Variants in CA10 observed in about 807,000 individuals in gnomAD.
CA10 encodes carbonic anhydrase 10 (inactive).
CA10 carries 14 observed loss-of-function variants against 44.2 expected under a neutral mutation model. That is an observed-to-expected ratio of 0.32 (90% CI 0.21 to 0.50). The LOEUF (loss-of-function observed/expected upper bound fraction) is 0.50, where lower values mean the gene tolerates loss of function less well. Among genes scored for constraint, CA10 ranks in the 20% least tolerant of loss-of-function variants. The pLI, the probability that CA10 is intolerant of heterozygous loss-of-function variation, is 0.99. For synonymous variants in CA10, 159 were observed against 141.6 expected (o/e 1.12, Z -0.87); for missense variants, 350 against 409.7 (o/e 0.85, Z 1.26).
intron 2 of CA10, among the ~76,000 whole-genome samples, chr17:51,941,714 G>T (rs893951019): frequency 1.3e-5 from 2 of 152,036 alleles, no homozygotes; most frequent in Admixed American, 1.3e-4. Context: ...AGAATTAAAT[G>T]CCAGAAAAAA....
Position 52,158,369 on chromosome 17 carries a change from C to T in CA10, c.-583G>A, listed in dbSNP as rs557641447. 1 of 176,772 alleles carries T rather than the reference C, an allele frequency of 5.7e-6. No homozygotes were observed. The highest frequency in any genetic ancestry group is 2.4e-5 in the African/African-American group (1 of 41,748). 11.0% of individuals were successfully genotyped at this position (176,772 alleles called of 1,614,324 possible). On this transcript the variant is annotated 5_prime_UTR_variant, in exon 1 of 9. Transcript: ENST00000451037. Reference sequence around the variant, plus strand: ...TGCTGCGCTCCGGGGCAGTTCTTCTCCTGCTTCCGGGGGGCGGGGAAGGAG... The same window carrying T: ...TGCTGCGCTCCGGGGCAGTTCTTCTTCTGCTTCCGGGGGGCGGGGAAGGAG...
chr17:51,834,503 C>T (rs957791021), intron 3 of CA10, among the ~76,000 whole-genome samples: 2 of 152,240 alleles, frequency 1.3e-5, no homozygotes, highest in African/African-American at 2.4e-5. Context: ...ATAATAAAAT[C>T]GAGCCACTAA....
intron 3 of CA10, among the ~76,000 whole-genome samples, chr17:51,780,001 C>G (rs1407925060): frequency 6.6e-6 from 1 of 152,140 alleles, no homozygotes; most frequent in African/African-American, 2.4e-5. Flanking sequence ...GAGTAGTGTT[C>G]TGATCTAACA....
intron 1 of CA10, among the ~76,000 whole-genome samples, chr17:52,097,578 G>A (rs190327688): frequency 1.3e-5 from 2 of 152,180 alleles, no homozygotes; most frequent in South Asian, 2.1e-4. Flanking sequence ...GGGTTGACAC[G>A]GAATAAGTCT....
chr17:51,893,100 T>A (rs953067738), intron 3 of CA10, among the ~76,000 whole-genome samples: 1 of 152,148 alleles, frequency 6.6e-6, no homozygotes, highest in African/African-American at 2.4e-5. Flanking sequence ...TTTTTATAAG[T>A]TGCATAATAT....
chr17:51,668,233 G>T (rs1394002822), intron 4 of CA10, among the ~76,000 whole-genome samples: 1 of 152,198 alleles, frequency 6.6e-6, no homozygotes, highest in Non-Finnish European at 1.5e-5. Flanking sequence ...CAGAGTGGTG[G>T]CATGCATGCC....
Position 51,964,188 on chromosome 17 carries a change from A to C in CA10, c.137-33056T>G, listed in dbSNP as rs865957525. 2.6e-5 allele frequency among the ~76,000 whole-genome samples: 4 copies of C among 152,118 alleles called. No homozygotes were observed. In the South Asian group the frequency reaches 6.2e-4, roughly 24 times the overall value. On this transcript the variant is annotated intron_variant, in intron 2 of 8. Transcript: ENST00000451037. ...AAAAGAGGGGCATCAAATAATGAAA[A>C]AAGGTTCAATTCAACAAGAAGCCTT...
chr17:51,875,354 C>A (rs1178480839), intron 3 of CA10, among the ~76,000 whole-genome samples: 1 of 152,160 alleles, frequency 6.6e-6, no homozygotes, highest in East Asian at 1.9e-4. Context: ...TGTTCCTAGA[C>A]TGATGGAGAA....
At chr17:51,779,488 A>G (rs977672144) in intron 3 of CA10, among the ~76,000 whole-genome samples, 1 of 152,154 alleles carries the variant, frequency 6.6e-6, no homozygotes, top group African/African-American at 2.4e-5. Flanking sequence ...AGGTGTGCAA[A>G]TGAGCCTAAT....
At chr17:51,983,655 C>A (rs1984730031) in intron 2 of CA10, among the ~76,000 whole-genome samples, 1 of 151,200 alleles carries the variant, frequency 6.6e-6, no homozygotes, top group African/African-American at 2.4e-5. Flanking sequence ...AAAAGCAAAA[C>A]AAAATAAGAC....
intron 4 of CA10, among the ~76,000 whole-genome samples, chr17:51,723,176 G>A (rs1414603731): frequency 1.3e-5 from 2 of 152,180 alleles, no homozygotes; most frequent in Non-Finnish European, 2.9e-5. Flanking sequence ...AAGAGCCCAA[G>A]GAAAGAAGAA....
chr17:52,157,538 C>CA (rs1989832339), intron 1 of CA10, among the ~76,000 whole-genome samples, 188 bp downstream of exon 1: 1 of 146,064 alleles, frequency 6.8e-6, no homozygotes, highest in Admixed American at 6.8e-5. Flanking sequence ...CACCCCCCCC[C>CA]GCAAAACACA....
intron 3 of CA10, among the ~76,000 whole-genome samples, chr17:51,789,340 C>T (rs1225659922): frequency 6.6e-6 from 1 of 152,186 alleles, no homozygotes; most frequent in East Asian, 1.9e-4. Flanking sequence ...TAATAAGAGA[C>T]ATTTACATCA....
At chr17:51,775,318 G>A (rs928172631) in intron 3 of CA10, among the ~76,000 whole-genome samples, 5 of 152,180 alleles carry the variant, frequency 3.3e-5, no homozygotes, top group African/African-American at 1.2e-4. Context: ...GGGTGATGGT[G>A]TGGACAATGC....
At chr17:52,064,728 TG>T (rs1194571431) in intron 2 of CA10, among the ~76,000 whole-genome samples, 1 of 152,198 alleles carries the variant, frequency 6.6e-6, no homozygotes, top group Non-Finnish European at 1.5e-5. Flanking sequence ...GTTATTGACC[TG>T]GGTAAACCAT....
chr17:51,824,084 GT>G (rs1380929873), intron 3 of CA10, among the ~76,000 whole-genome samples: 2 of 152,150 alleles, frequency 1.3e-5, no homozygotes, highest in African/African-American at 2.4e-5. Context: ...GAGATGTTTT[GT>G]TTTGTTAACT....
At position 51,929,536 on chromosome 17, in the gene CA10, T is replaced by C. The variant is rs573711314; in HGVS notation, c.279+1454A>G. On this transcript the variant is annotated intron_variant, in intron 3 of 8. Coordinates refer to ENST00000451037, the MANE Select transcript of CA10 (RefSeq NM_020178.5). ...CTCAGGCACCAAACCCCATTCTGTA[T>C]CTTGGGCTTTTCCACCCCCTGCTTT... 6.6e-5 allele frequency among the ~76,000 whole-genome samples: 10 copies of C among 152,276 alleles called. No individual in the cohort carries two copies. In the South Asian group the frequency reaches 2.1e-3, roughly 32 times the overall value.
At chr17:51,714,782 A>T (rs747361383) in intron 4 of CA10, among the ~76,000 whole-genome samples, 17 of 152,216 alleles carry the variant, frequency 1.1e-4, no homozygotes, top group South Asian at 2.1e-4. Flanking sequence ...CCTATGAGGG[A>T]TGATTTCAGT....
intron 3 of CA10, among the ~76,000 whole-genome samples, chr17:51,871,315 T>G (rs1180805292): frequency 1.3e-5 from 2 of 151,586 alleles, no homozygotes; most frequent in Non-Finnish European, 2.9e-5. Context: ...CACTGCAACC[T>G]TCGCCTCCCA....
Sources: gnomAD v4.1 joint callset for allele counts (sites outside exome capture counted in the v4.1 genomes callset) on GRCh38, gnomAD v4.1.1 for gene constraint, MANE v1.5 for transcripts, NCBI Gene and HGNC (gene_info 2026-07-23, HGNC 2026-07-21) for gene names.